SLC14A2: variants seen among roughly 807,000 people sequenced by gnomAD.
The protein encoded by SLC14A2 is solute carrier family 14 member 2.
SLC14A2 carries 91 observed loss-of-function variants against 104.6 expected under a neutral mutation model. That is an observed-to-expected ratio of 0.87 (90% CI 0.73 to 1.04). The LOEUF (loss-of-function observed/expected upper bound fraction) is 1.04, where lower values mean the gene tolerates loss of function less well. SLC14A2 is among the 50% of genes least tolerant of loss of function. SLC14A2 has a pLI of 0.00. For missense variants in SLC14A2, 1,189 were observed against 1,156.0 expected (o/e 1.03, Z -0.41); for synonymous variants, 476 against 466.4 (o/e 1.02, Z -0.27).
chr18:45,311,074 C>T (rs765746438), intron 1 of SLC14A2, among the ~76,000 whole-genome samples: 28 of 152,140 alleles, frequency 1.8e-4, no homozygotes, highest in Non-Finnish European at 3.5e-4. Flanking sequence ...ATTCTTGCTT[C>T]GGGCTTGGTA....
At chr18:45,306,707 G>A (rs1483334244) in intron 1 of SLC14A2, among the ~76,000 whole-genome samples, 2 of 152,100 alleles carry the variant, frequency 1.3e-5, no homozygotes, top group Admixed American at 6.5e-5. Context: ...CTGGGGTCTC[G>A]TTCCTGCTCT....
At chr18:45,413,940 A>G (rs566896449) in intron 1 of SLC14A2, among the ~76,000 whole-genome samples, 1 of 152,260 alleles carries the variant, frequency 6.6e-6, no homozygotes, top group African/African-American at 2.4e-5. Context: ...CCACAGGTAT[A>G]CTAATAGAGC....
chr18:45,379,434 A>G (rs1386762878), intron 1 of SLC14A2, among the ~76,000 whole-genome samples: 1 of 152,138 alleles, frequency 6.6e-6, no homozygotes, highest in African/African-American at 2.4e-5. Flanking sequence ...ACCACATGGA[A>G]CTATTCTGCA....
chr18:45,677,372 A>G (rs1353680832), intron 18 of SLC14A2, among the ~76,000 whole-genome samples: 1 of 152,250 alleles, frequency 6.6e-6, no homozygotes, highest in Non-Finnish European at 1.5e-5. Context: ...GCTCCCCTCT[A>G]TTCGGGGGCC....
intron 1 of SLC14A2, among the ~76,000 whole-genome samples, chr18:45,416,562 G>A (rs1406456503): frequency 6.6e-6 from 1 of 152,116 alleles, no homozygotes; most frequent in Non-Finnish European, 1.5e-5. Flanking sequence ...CCTCTTTGGG[G>A]AAGAAAACTT....
intron 1 of SLC14A2, among the ~76,000 whole-genome samples, chr18:45,405,316 G>A (rs970452706): frequency 2.0e-5 from 3 of 152,322 alleles, no homozygotes; most frequent in Admixed American, 2.0e-4. Context: ...AGAGGTTCAA[G>A]TAGCAAAGGA....
intron 1 of SLC14A2, among the ~76,000 whole-genome samples, chr18:45,615,846 A>T (rs1441546152): frequency 1.3e-5 from 2 of 150,648 alleles, no homozygotes; most frequent in African/African-American, 5.0e-5. Context: ...TGAGAGAGAG[A>T]GAGAGAGAGA....
chr18:45,657,488 GAAA>G (rs76314316), intron 10 of SLC14A2, among the ~76,000 whole-genome samples: 3 of 82,802 alleles, frequency 3.6e-5, no homozygotes, highest in Admixed American at 1.5e-4. Context: ...CTGTGTCAAG[GAAA>G]AAAAAAAAAA....
At chr18:45,265,183 A>T (rs1368933522) in intron 1 of SLC14A2, among the ~76,000 whole-genome samples, 1 of 152,190 alleles carries the variant, frequency 6.6e-6, no homozygotes, top group African/African-American at 2.4e-5. Flanking sequence ...TTGAGGTTGG[A>T]TCAGAAGTCA....
chr18:45,236,737 C>T (rs965194753), intron 1 of SLC14A2, among the ~76,000 whole-genome samples: 2 of 151,852 alleles, frequency 1.3e-5, no homozygotes, highest in Non-Finnish European at 2.9e-5. Context: ...GAGTACATAT[C>T]TCTCTTAAAC....
intron 1 of SLC14A2, among the ~76,000 whole-genome samples, chr18:45,344,380 A>G (rs968294838): frequency 6.6e-6 from 1 of 152,164 alleles, no homozygotes; most frequent in African/African-American, 2.4e-5. Flanking sequence ...GGGTAACCCC[A>G]AGTTCCGCTG....
At chr18:45,299,976 G>T (rs1200028208) in intron 1 of SLC14A2, among the ~76,000 whole-genome samples, 1 of 152,100 alleles carries the variant, frequency 6.6e-6, no homozygotes, top group African/African-American at 2.4e-5. Context: ...TTATTTGGCT[G>T]GTAATTAGGT....
chr18:45,234,600 TA>T (rs2084207076), intron 1 of SLC14A2, among the ~76,000 whole-genome samples: 1 of 152,238 alleles, frequency 6.6e-6, no homozygotes, highest in Non-Finnish European at 1.5e-5. Context: ...TGTAAATTAG[TA>T]ACACTTTCCT....
chr18:45,196,521 T>G, the SLC14A2 span, among the ~76,000 whole-genome samples: 1 of 152,196 alleles, frequency 6.6e-6, no homozygotes, highest in Non-Finnish European at 1.5e-5. Context: ...TTTCTCTAAG[T>G]CAAAATCTGC....
intron 1 of SLC14A2, among the ~76,000 whole-genome samples, chr18:45,319,158 G>A (rs1465460911): frequency 6.6e-6 from 1 of 151,972 alleles, no homozygotes; most frequent in African/African-American, 2.4e-5. Flanking sequence ...TCCTCTTTAG[G>A]ACCACTGACT....
intron 2 of SLC14A2, among the ~76,000 whole-genome samples, chr18:45,556,653 C>A (rs931288338): frequency 6.6e-6 from 1 of 152,164 alleles, no homozygotes; most frequent in East Asian, 1.9e-4. Flanking sequence ...TTAAATGAGA[C>A]AATATATATT....
At chr18:45,366,387 G>T (rs2085665788) in intron 1 of SLC14A2, among the ~76,000 whole-genome samples, 1 of 152,136 alleles carries the variant, frequency 6.6e-6, no homozygotes, top group Non-Finnish European at 1.5e-5. Flanking sequence ...GCTACCAGGT[G>T]GGGAAGGCAT....
chr18:45,466,261 A>G (rs2087139730), intron 1 of SLC14A2, among the ~76,000 whole-genome samples: 1 of 151,992 alleles, frequency 6.6e-6, no homozygotes, highest in Non-Finnish European at 1.5e-5. Context: ...CTATGAGTAC[A>G]GAGGGGTGTG....
At chr18:45,345,342 AG>A (rs1433034744) in intron 1 of SLC14A2, among the ~76,000 whole-genome samples, 2 of 152,242 alleles carry the variant, frequency 1.3e-5, no homozygotes, top group East Asian at 3.8e-4. Flanking sequence ...GAACTCTGAT[AG>A]GTGCCAGAGA....
Sources: gnomAD v4.1 joint callset for allele counts (sites outside exome capture counted in the v4.1 genomes callset) on GRCh38, gnomAD v4.1.1 for gene constraint, MANE v1.5 for transcripts, NCBI Gene and HGNC (gene_info 2026-07-23, HGNC 2026-07-21) for gene names.